Variants in PZP observed in about 807,000 individuals in gnomAD.
The protein encoded by PZP is PZP alpha-2-macroglobulin like.
PZP carries 150 observed loss-of-function variants against 179.8 expected under a neutral mutation model. The observed-to-expected ratio is 0.83, with a 90% confidence interval of 0.73 to 0.96. PZP has a LOEUF of 0.96. Among genes scored for constraint, PZP ranks in the 40% least tolerant of loss-of-function variants. The pLI, the probability that PZP is intolerant of heterozygous loss-of-function variation, is 0.00. For synonymous variants in PZP, 624 were observed against 652.3 expected, an observed-to-expected ratio of 0.96 and a Z score of 0.66; for missense variants, 1,689 against 1,764.0, an observed-to-expected ratio of 0.96 and a Z score of 0.76.
At chr12:9,206,296 A>C (rs1944437284) in intron 1 of PZP, among the ~76,000 whole-genome samples, 1 of 151,794 alleles carries the variant, frequency 6.6e-6, no homozygotes, top group African/African-American at 2.4e-5. Flanking sequence ...ATAAATTATA[A>C]GCCTAAAAGA....
At chr12:9,188,001 G>A (rs950901704) in intron 13 of PZP, among the ~76,000 whole-genome samples, 29 of 152,370 alleles carry the variant, frequency 1.9e-4, no homozygotes, top group African/African-American at 4.1e-4. Context: ...GCCCCCATGA[G>A]GAGAAGTGGG....
Position 9,202,352 on chromosome 12 carries a change from G to A in PZP, c.447C>T (p.Ser149=), listed in dbSNP as rs143334338. The A allele has an allele frequency of 5.8e-5, 94 of 1,613,966 alleles. No individual in the cohort carries two copies. The highest frequency in any genetic ancestry group is 7.4e-5 in the Non-Finnish European group (87 of 1,180,022). The change falls in exon 4 of 36, where the codon TCC becomes TCT. Residue 149 remains serine, a synonymous_variant. Coordinates refer to ENST00000261336, the MANE Select transcript of PZP (RefSeq NM_002864.3). ...PGQTVRFRVV[S]VDENFRPRNE... ...TTCGAGGGCGAAAATTTTCATCCAC[G>A]GAGACAACACGGAATCTTACTGGAA...
At chr12:9,201,922 GA>G (rs1944183743) in intron 4 of PZP, among the ~76,000 whole-genome samples, 1 of 151,718 alleles carries the variant, frequency 6.6e-6, no homozygotes, top group Admixed American at 6.6e-5. Context: ...TATATGTATC[GA>G]ATATATAATA....
At chr12:9,144,065 C>A (rs578247353), downstream of PZP, among the ~76,000 whole-genome samples, 1 of 152,074 alleles carries the variant, frequency 6.6e-6, no homozygotes, top group Non-Finnish European at 1.5e-5. Context: ...ATGAGAAAGT[C>A]AGGGGAAGGC....
At position 9,152,234 on chromosome 12, in the gene PZP, G is replaced by A. The variant is rs948448857; in HGVS notation, c.4198C>T (p.Pro1400Ser). The A allele has an allele frequency of 6.2e-7, 1 of 1,607,880 alleles. No homozygotes were observed. Among genetic ancestry groups the A allele is most frequent in the South Asian group, 1.1e-5 (1 of 90,942 alleles). ...AATACACCTACCATTTTTACTGTTG[G>A]TTTCAGGGGAATAAAACCAGATACC... ...KMVSGFIPLKPTVKMLERSSS... is the reference protein window; with the variant it reads ...KMVSGFIPLKSTVKMLERSSS... Residue 1400 changes from proline (P) to serine (S), a missense_variant, in exon 32 of 36, where the codon CCA becomes TCA. Physicochemically the swap from Pro to Ser is moderately conservative, Grantham distance 74 (BLOSUM62 -1). This residue lies in a region of PZP where 746 missense variants were observed against 749.2 expected (regional missense o/e 1.00). Transcript: ENST00000261336.
chr12:9,203,894 A>G lies in PZP; in HGVS notation c.141T>C (p.Cys47=), dbSNP rs977080286. The change falls in exon 2 of 36, where the codon TGT becomes TGC. Residue 47 remains cysteine (C), a synonymous_variant. Transcript: ENST00000261336. ...LLHTEAPKKG[C]VLLSHLNETV... is the part of the protein sequence containing the mutation. ...TCTCATTCAGGTGGCTCAGAAGGACACAGCCCTTCTTAGGGGCCTCAGTGT... is the reference window on the plus strand; with the variant it reads ...TCTCATTCAGGTGGCTCAGAAGGACGCAGCCCTTCTTAGGGGCCTCAGTGT... The G allele has an allele frequency of 6.2e-7, 1 of 1,614,128 alleles. No homozygotes were observed. Among genetic ancestry groups the G allele is most frequent in the Non-Finnish European group, 8.5e-7 (1 of 1,179,958 alleles).
chr12:9,158,696 G>T, intron 25 of PZP, 120 bp from the exon 26 acceptor site: 1 of 884,220 alleles, frequency 1.1e-6, no homozygotes, highest in Non-Finnish European at 1.6e-6. Flanking sequence ...AGCTGTTACT[G>T]AGAGTTTGGA....
intron 15 of PZP, among the ~76,000 whole-genome samples, chr12:9,171,712 A>G (rs1235255076): frequency 6.6e-6 from 1 of 152,240 alleles, no homozygotes; most frequent in Non-Finnish European, 1.5e-5. Flanking sequence ...TATCAGTAGC[A>G]GGATAGACCA....
In PZP at chr12:9,164,153, G is replaced by A; in HGVS notation, c.2594C>T (p.Thr865Ile). Reference sequence around the variant, plus strand: ...CTCACCCAGAGTTTTAGGAGTCACTGTCCAAGACAAGGTTTGTCTCTCATT... The same window carrying A: ...CTCACCCAGAGTTTTAGGAGTCACTATCCAAGACAAGGTTTGTCTCTCATT... ...CGNERQTLSWTVTPKTLGNVN... is the reference protein window; with the variant it reads ...CGNERQTLSWIVTPKTLGNVN... The change falls in exon 20 of 36, where the codon ACA becomes ATA. Residue 865 changes from threonine (T) to isoleucine (I), a missense_variant. Physicochemically the swap from Thr to Ile is moderately conservative, Grantham distance 89. This residue lies in a region of PZP where 746 missense variants were observed against 749.2 expected (regional missense o/e 1.00). Transcript: ENST00000261336. 4.3e-6 allele frequency: 7 copies of A among 1,611,560 alleles called. No individual in the cohort carries two copies.
At position 9,192,726 on chromosome 12, in the gene PZP, T is replaced by G; in HGVS notation, c.1268A>C (p.His423Pro). ...TGAATAGTGAAAACACAAGTTGGGA[T>G]GCACAGTGAAAACCTGAGTAAACAG... ...NKLFVRVFTVHPNLCFHYSWV... is the reference protein window; with the variant it reads ...NKLFVRVFTVPPNLCFHYSWV... Residue 423 changes from histidine to proline, a missense_variant, in exon 12 of 36, where the codon CAT (histidine) becomes CCT (proline). Physicochemically the swap from His to Pro is moderately conservative, Grantham distance 77 (BLOSUM62 -2). Transcript: ENST00000261336. 6.2e-7 allele frequency: 1 copy of G among 1,610,074 alleles called. No individual in the cohort carries two copies. Among genetic ancestry groups the G allele is most frequent in the Non-Finnish European group, 8.5e-7 (1 of 1,176,446 alleles).
At chr12:9,142,374 T>C in the PZP span, among the ~76,000 whole-genome samples, 1 of 152,230 alleles carries the variant, frequency 6.6e-6, no homozygotes, top group Non-Finnish European at 1.5e-5. Flanking sequence ...GTAGTCTCTA[T>C]GCCAAATTTT....
At chr12:9,173,769 C>T (rs1328090755) in intron 15 of PZP, among the ~76,000 whole-genome samples, 1 of 152,146 alleles carries the variant, frequency 6.6e-6, no homozygotes, top group Non-Finnish European at 1.5e-5. Flanking sequence ...CCTCCCAAGA[C>T]TGAACCAGGA....
At chr12:9,168,758 T>C in intron 17 of PZP, 111 bp downstream of exon 17, 2 of 786,592 alleles carry the variant, frequency 2.5e-6, no homozygotes, top group Non-Finnish European at 4.2e-6. Context: ...TGAATCTTGG[T>C]TTCTTTGTGT....
At chr12:9,185,955 G>C (rs1943088297) in intron 13 of PZP, among the ~76,000 whole-genome samples, 1 of 151,682 alleles carries the variant, frequency 6.6e-6, no homozygotes, top group Non-Finnish European at 1.5e-5. Context: ...CTACAGGCGT[G>C]CACCATCACA....
At chr12:9,152,394 G>C in intron 31 of PZP, 84 bp from the exon 32 acceptor site, 1 of 995,726 alleles carries the variant, frequency 1.0e-6, no homozygotes, top group Non-Finnish European at 1.6e-6. Context: ...CTTTAAGCCT[G>C]TCTGTCTTCA....
chr12:9,207,007 A>G (rs1944468401), intron 1 of PZP, among the ~76,000 whole-genome samples: 1 of 152,170 alleles, frequency 6.6e-6, no homozygotes. Context: ...TAGATGAGGT[A>G]GAGGGATAGT....
chr12:9,165,940 G>T (rs1319302926), intron 18 of PZP, 112 bp downstream of exon 18: 2 of 1,292,296 alleles, frequency 1.5e-6, no homozygotes, highest in Non-Finnish European at 2.1e-6. Context: ...TAAAGAGGAA[G>T]AGGTTAAGAT....
intron 3 of PZP, 40 bp downstream of exon 3, chr12:9,202,485 T>C (rs1944221365): frequency 6.2e-7 from 1 of 1,613,110 alleles, no homozygotes. Flanking sequence ...CAGGTGGCCC[T>C]TCTCAGTGTT....
At chr12:9,199,643 C>T (rs1051020993) in intron 7 of PZP, among the ~76,000 whole-genome samples, 10 of 151,880 alleles carry the variant, frequency 6.6e-5, no homozygotes, top group African/African-American at 2.2e-4. Flanking sequence ...TGATCTTCAG[C>T]GAAATGTCAT....
Sources: gnomAD v4.1 joint callset for allele counts (sites outside exome capture counted in the v4.1 genomes callset) on GRCh38, gnomAD v4.1.1 for gene constraint, gnomAD v4.1.1 regional missense constraint, MANE v1.5 for transcripts, NCBI Gene and HGNC (gene_info 2026-07-23, HGNC 2026-07-21) for gene names.